Variants in RASEF observed in about 807,000 individuals in gnomAD.
RASEF encodes RAS and EF-hand domain containing.
Under a neutral mutation model 90.1 loss-of-function variants are expected in RASEF, and 68 were observed. That is an observed-to-expected ratio of 0.75 (90% CI 0.62 to 0.92). RASEF has a LOEUF of 0.92. RASEF is among the 40% of genes least tolerant of loss of function. RASEF has a pLI of 0.00. For synonymous variants in RASEF, 331 were observed against 345.2 expected, an observed-to-expected ratio of 0.96 and a Z score of 0.46; for missense variants, 949 against 937.2, an observed-to-expected ratio of 1.01 and a Z score of -0.16.
At chr9:83,054,551 A>C (rs1830068772) in intron 1 of RASEF, 1 of 148,168 alleles carries the variant, frequency 6.7e-6, no homozygotes. Context: ...AGCTCGTCAA[A>C]ATCATTTTCC....
intron 1 of RASEF, among the ~76,000 whole-genome samples, chr9:83,041,641 C>T (rs116708347): frequency 0.014 from 2,131 of 152,260 alleles, 41 homozygotes; most frequent in African/African-American, 0.049. Context: ...AAGCAGAAGC[C>T]TCCTGAGACA....
At chr9:83,063,470 C>T (rs182867317), upstream of RASEF, among the ~76,000 whole-genome samples, 56 of 152,322 alleles carry the variant, frequency 3.7e-4, no homozygotes, top group Non-Finnish European at 1.6e-4. Flanking sequence ...TTATCTTACT[C>T]CCGAAACTTG....
the RASEF span, among the ~76,000 whole-genome samples, chr9:83,103,767 T>TCC: frequency 6.6e-6 from 1 of 152,212 alleles, no homozygotes; most frequent in Non-Finnish European, 1.5e-5. Flanking sequence ...GACCCCTGGA[T>TCC]TGCTAAGATG....
chr9:83,215,183 C>T, the RASEF span, among the ~76,000 whole-genome samples: 2 of 152,022 alleles, frequency 1.3e-5, no homozygotes, highest in African/African-American at 4.8e-5. Context: ...TCCCCTCCTA[C>T]CAGCTCCCCA....
At chr9:83,057,680 T>C (rs1830124064) in intron 1 of RASEF, among the ~76,000 whole-genome samples, 1 of 152,086 alleles carries the variant, frequency 6.6e-6, no homozygotes, top group Non-Finnish European at 1.5e-5. Context: ...AAAAGCACCC[T>C]TGAACCTCAT....
chr9:83,075,534 C>T, the RASEF span, among the ~76,000 whole-genome samples: 1 of 152,072 alleles, frequency 6.6e-6, no homozygotes, highest in Non-Finnish European at 1.5e-5. Flanking sequence ...TAGGACACAC[C>T]TTTTTCCCAA....
At chr9:83,146,529 G>A in the RASEF span, among the ~76,000 whole-genome samples, 1 of 152,136 alleles carries the variant, frequency 6.6e-6, no homozygotes, top group Admixed American at 6.5e-5. Flanking sequence ...ATCCATGAAT[G>A]TCAACAGAGA....
chr9:83,116,752 T>A, the RASEF span, among the ~76,000 whole-genome samples: 2 of 152,026 alleles, frequency 1.3e-5, no homozygotes, highest in Non-Finnish European at 2.9e-5. Context: ...TGATTCCCAC[T>A]TTTTTTTCTG....
intron 14 of RASEF, among the ~76,000 whole-genome samples, chr9:82,996,638 CG>C (rs1564070898): frequency 6.6e-6 from 1 of 152,162 alleles, no homozygotes; most frequent in African/African-American, 2.4e-5. Flanking sequence ...TTCCCATGCC[CG>C]TGGATGCCCC....
intron 1 of RASEF, among the ~76,000 whole-genome samples, chr9:83,033,829 T>A (rs769146946): frequency 4.6e-5 from 7 of 152,220 alleles, no homozygotes; most frequent in Non-Finnish European, 8.8e-5. Flanking sequence ...TCTGGTAGTA[T>A]AATTATTTCT....
At chr9:83,124,978 G>A in the RASEF span, among the ~76,000 whole-genome samples, 22 of 152,200 alleles carry the variant, frequency 1.4e-4, no homozygotes, top group Non-Finnish European at 2.5e-4. Flanking sequence ...TGATAGCATC[G>A]CCAATTGCTT....
At chr9:83,049,581 G>T (rs1269120222) in intron 1 of RASEF, among the ~76,000 whole-genome samples, 2 of 120,612 alleles carry the variant, frequency 1.7e-5, no homozygotes, top group Admixed American at 9.9e-5. Context: ...GGGTACATGT[G>T]CACATTGTGC....
At chr9:83,018,971 A>G (rs1829395118) in intron 3 of RASEF, among the ~76,000 whole-genome samples, 1 of 152,176 alleles carries the variant, frequency 6.6e-6, no homozygotes, top group Non-Finnish European at 1.5e-5. Context: ...TAAAAAAAAT[A>G]TGAACATTGA....
the RASEF span, among the ~76,000 whole-genome samples, chr9:83,198,529 T>C: frequency 3.3e-5 from 5 of 152,294 alleles, no homozygotes; most frequent in South Asian, 8.3e-4. Context: ...GTTAACTCAC[T>C]GGACTGACTA....
At chr9:83,008,325 T>C (rs1307215746) in intron 6 of RASEF, among the ~76,000 whole-genome samples, 2 of 152,238 alleles carry the variant, frequency 1.3e-5, no homozygotes, top group South Asian at 4.1e-4. Context: ...GGGCCTTCTA[T>C]GATAACCTTA....
chr9:82,993,902 A>G (rs966475948), intron 14 of RASEF, among the ~76,000 whole-genome samples: 1 of 152,218 alleles, frequency 6.6e-6, no homozygotes, highest in Non-Finnish European at 1.5e-5. Context: ...GACTGAATGA[A>G]GGCATTTCCC....
At chr9:83,085,245 T>C in the RASEF span, among the ~76,000 whole-genome samples, 1 of 152,232 alleles carries the variant, frequency 6.6e-6, no homozygotes, top group Non-Finnish European at 1.5e-5. Flanking sequence ...CAGTCAGACA[T>C]TAATTCTGTA....
intron 12 of RASEF, 66 bp downstream of exon 12, chr9:83,000,103 C>G (rs1475445392): frequency 1.4e-6 from 2 of 1,466,762 alleles, no homozygotes; most frequent in Non-Finnish European, 1.9e-6. Context: ...TATGTAATCC[C>G]TGAAGAAGAG....
chr9:83,006,648 A>G (rs1335671656), intron 7 of RASEF, among the ~76,000 whole-genome samples: 1 of 152,122 alleles, frequency 6.6e-6, no homozygotes, highest in Non-Finnish European at 1.5e-5. Context: ...AACTGCTATA[A>G]CCTAGTCATA....
Sources: gnomAD v4.1 joint callset for allele counts (sites outside exome capture counted in the v4.1 genomes callset) on GRCh38, gnomAD v4.1.1 for gene constraint, MANE v1.5 for transcripts, NCBI Gene and HGNC (gene_info 2026-07-23, HGNC 2026-07-21) for gene names.